The following TLN1 variants were observed in gnomAD, a reference collection of about 807,000 sequenced individuals.
TLN1 encodes the protein talin 1, also known as talin-1.
In TLN1, 56 loss-of-function variants were observed where a neutral mutation model predicts 292.3. The observed-to-expected ratio is 0.19, with a 90% CI of 0.15 to 0.24. TLN1 has a LOEUF of 0.24. Among genes scored for constraint, TLN1 ranks in the 10% least tolerant of loss-of-function variants. The pLI is 1.00. For missense variants in TLN1, 2,433 were observed against 3,248.2 expected, an observed-to-expected ratio of 0.75 and a Z score of 6.10; for synonymous variants, 1,119 against 1,253.7, an observed-to-expected ratio of 0.89 and a Z score of 2.27.
chr9:35,702,048 G>T (rs577224004), intron 48 of TLN1, among the ~76,000 whole-genome samples: 10 of 152,318 alleles, frequency 6.6e-5, no homozygotes, highest in African/African-American at 2.4e-4. Flanking sequence ...GAGAAAACTG[G>T]TGCCACAGCC....
chr9:35,721,785 T>C lies in TLN1; in HGVS notation c.967A>G (p.Asn323Asp), dbSNP rs1212881819. Residue 323 changes from asparagine (N) to aspartate (D), a missense_variant, in exon 10 of 57, where the codon AAC (asparagine) becomes GAC (aspartate). Asn to Asp is a conservative substitution (Grantham distance 23). Transcript: ENST00000314888. ...FLVKEKMKGK[N>D]KLVPRLLGIT... is the part of the protein sequence containing the mutation. ...CCCAGAAGCCTGGGCACTAGCTTGT[T>C]CTTCCCTTTCATTTTTTCCTATGAG... 6.2e-7 allele frequency: 1 copy of C among 1,610,390 alleles called. No homozygotes were observed. The highest frequency in any genetic ancestry group is 8.5e-7 in the Non-Finnish European group (1 of 1,176,760).
At position 35,703,801 on chromosome 9, in the gene TLN1, C is replaced by A. The variant is rs770526341; in HGVS notation, c.6331G>T (p.Val2111Leu). The change falls in exon 47 of 57, where the codon GTG becomes TTG. Residue 2111 changes from valine to leucine, a missense_variant. Around this residue, in one of 7 missense-constraint regions of TLN1, gnomAD observed 1,384 missense variants for 1,699.6 expected, o/e 0.81. Transcript: ENST00000314888. ...AAGKVGDDPA[V>L]WQLKNSAKVM... ...TTGGCAGAGTTCTTTAGCTGCCACA[C>A]AGCAGGGTCATCTCCAACTTTGCCA... 8 of 1,614,240 alleles carry A rather than the reference C, an allele frequency of 5.0e-6. No individual in the cohort carries two copies. Among genetic ancestry groups the A allele is most frequent in the Non-Finnish European group, 3.4e-6 (4 of 1,180,044 alleles).
At chr9:35,721,476 C>T (rs139558283) in intron 10 of TLN1, among the ~76,000 whole-genome samples, 172 bp downstream of exon 10, 2 of 152,246 alleles carry the variant, frequency 1.3e-5, no homozygotes, top group East Asian at 3.9e-4. Flanking sequence ...GTCCATCATC[C>T]GTTTCATTTA....
At chr9:35,727,802 C>T (rs1416125174) in intron 1 of TLN1, among the ~76,000 whole-genome samples, 2 of 152,166 alleles carry the variant, frequency 1.3e-5, no homozygotes, top group African/African-American at 4.8e-5. Context: ...CACCCCCTTC[C>T]TCCTCAAGCA....
At position 35,704,026 on chromosome 9, in the gene TLN1, C is replaced by T. The variant is rs778144062; in HGVS notation, c.6196G>A (p.Ala2066Thr). 23 of 1,613,358 alleles carry T rather than the reference C, an allele frequency of 1.4e-5. No individual in the cohort carries two copies. Among genetic ancestry groups the T allele is most frequent in the Non-Finnish European group, 1.8e-5 (21 of 1,179,482 alleles). The change falls in exon 46 of 57, where the codon GCA (alanine) becomes ACA (threonine). Residue 2066 changes from alanine (A) to threonine (T), a missense_variant. By Grantham distance (58) the Ala-to-Thr change is moderately conservative. This residue lies in a region of TLN1 where 1,384 missense variants were observed against 1,699.6 expected (regional missense o/e 0.81). Coordinates refer to ENST00000314888, the MANE Select transcript of TLN1 (RefSeq NM_006289.4). The surrounding 1 kb of genome is among the most constrained non-coding windows in gnomAD (Gnocchi z 6.9). The part of the protein sequence containing the change: ...TRLADVVKLG[A>T]ASLGAEDPET... ...GGGTCCTCAGCTCCCAGGCTGGCTG[C>T]ACCCAGCTTGACCACATCAGCGAGG...
In TLN1 at chr9:35,699,302, G is replaced by A; in HGVS notation, c.6874+54C>T. 6.3e-7 allele frequency: 1 copy of A among 1,575,914 alleles called. No homozygotes were observed. Among genetic ancestry groups the A allele is most frequent in the African/African-American group, 1.3e-5 (1 of 74,212 alleles). On this transcript the variant is annotated intron_variant, in intron 51 of 56. Coordinates refer to ENST00000314888, the MANE Select transcript of TLN1 (RefSeq NM_006289.4). The surrounding 1 kb of genome is among the most constrained non-coding windows in gnomAD (Gnocchi z 4.0). ...CAGAGCTGTCCAGCCAGGAAGCAGA[G>A]ATCACACCATGATAAGGGTTTTCCA...
chr9:35,722,855 A>G lies in TLN1; in HGVS notation c.843+6T>C. 2 of 1,613,826 alleles carry G rather than the reference A, an allele frequency of 1.2e-6. No homozygotes were observed. The highest frequency in any genetic ancestry group is 1.7e-6 in the Non-Finnish European group (2 of 1,179,780). ...ATCCCAAATACTTTCCCCTACCCAC[A>G]TTCACCTGGAAGATCTTACGCTCTC... is the stretch of plus-strand genomic sequence containing the variant. On this transcript the variant is annotated splice_donor_region_variant and intron_variant, in intron 8 of 56. Coordinates refer to ENST00000314888, the MANE Select transcript of TLN1 (RefSeq NM_006289.4).
chr9:35,708,926 C>T (rs1185682082), intron 33 of TLN1, among the ~76,000 whole-genome samples: 1 of 152,192 alleles, frequency 6.6e-6, no homozygotes, highest in Non-Finnish European at 1.5e-5. Context: ...GGCTAATTCA[C>T]ATTTATAGCA....
chr9:35,724,781 G>C lies in TLN1; in HGVS notation c.358+49C>G. Reference sequence around the variant, plus strand: ...GGTACTGCATCCATGCCTTTTGAGAGAGTTGAGGCTTTCTGGCCCAGGCTT... The same window carrying C: ...GGTACTGCATCCATGCCTTTTGAGACAGTTGAGGCTTTCTGGCCCAGGCTT... On this transcript the variant is annotated intron_variant, in intron 4 of 56. Transcript: ENST00000314888. This position sits in a 1 kb window ranked among gnomAD's most constrained non-coding sequence, Gnocchi z 4.7. The C allele has an allele frequency of 6.2e-7, 1 of 1,613,664 alleles. No homozygotes were observed. The highest frequency in any genetic ancestry group is 1.1e-5 in the South Asian group (1 of 91,068).
Position 35,697,864 on chromosome 9 carries a change from G to A in TLN1, c.7553C>T (p.Ala2518Val). 1 of 1,614,158 alleles carries A rather than the reference G, an allele frequency of 6.2e-7. No homozygotes were observed. Among genetic ancestry groups the A allele is most frequent in the Non-Finnish European group, 8.5e-7 (1 of 1,180,020 alleles). ...MLRKERELEE[A>V]RKKLAQIRQQ... is the part of the protein sequence containing the mutation. The stretch of plus-strand genomic sequence containing the variant: ...CCGGATCTGGGCCAGTTTCTTCCGC[G>A]CCTCTTCCAGCTCTCGTTCCTTCCG... Residue 2518 changes from alanine (A) to valine (V), a missense_variant, in exon 57 of 57, where the codon GCG (alanine) becomes GTG (valine). Ala to Val is a moderately conservative substitution (Grantham distance 64). This residue lies in a region of TLN1 where 141 missense variants were observed against 248.5 expected (regional missense o/e 0.57). Coordinates refer to ENST00000314888, the MANE Select transcript of TLN1 (RefSeq NM_006289.4).
chr9:35,702,963 C>G (rs1825492392), intron 48 of TLN1, among the ~76,000 whole-genome samples: 1 of 152,148 alleles, frequency 6.6e-6, no homozygotes, highest in African/African-American at 2.4e-5. Context: ...TGAAAAAATA[C>G]AGTTGTCACA....
chr9:35,715,303 C>A, intron 20 of TLN1, 116 bp from the exon 21 acceptor site: 2 of 1,388,194 alleles, frequency 1.4e-6, no homozygotes, highest in Non-Finnish European at 1.9e-6. Context: ...GAAGTCATCT[C>A]TAACTAGCCC....
At chr9:35,702,638 G>A (rs909903292) in intron 48 of TLN1, among the ~76,000 whole-genome samples, 8 of 151,864 alleles carry the variant, frequency 5.3e-5, no homozygotes, top group Admixed American at 1.3e-4. Context: ...GACTACAGGC[G>A]CGTGCCACCA....
intron 7 of TLN1, chr9:35,723,710 A>G (rs1265442930): frequency 6.0e-6 from 3 of 502,996 alleles, no homozygotes; most frequent in Admixed American, 4.1e-5. Context: ...AATCTCAAAA[A>G]AGAGTGACAT....
At chr9:35,700,158 G>C in intron 49 of TLN1, 33 bp downstream of exon 49, 1 of 1,592,234 alleles carries the variant, frequency 6.3e-7, no homozygotes, top group Non-Finnish European at 8.6e-7. Flanking sequence ...CTGGCCCAAA[G>C]CTGCCTCACG....
chr9:35,710,469 A>G (rs1183987175), intron 33 of TLN1, 92 bp downstream of exon 33: 20 of 1,515,048 alleles, frequency 1.3e-5, no homozygotes, highest in Non-Finnish European at 1.8e-5. Context: ...GCAAACATAA[A>G]CTTCTTGATT....
intron 8 of TLN1, 34 bp from the exon 9 acceptor site, chr9:35,722,257 G>T: frequency 6.4e-7 from 1 of 1,566,674 alleles, no homozygotes; most frequent in Non-Finnish European, 8.8e-7. Flanking sequence ...TTAGCAAAGA[G>T]TTTCATATCA....
chr9:35,719,499 G>C lies in TLN1; in HGVS notation c.1687+20C>G, dbSNP rs768995081. 2.5e-5 allele frequency: 40 copies of C among 1,606,816 alleles called. No individual in the cohort carries two copies. In the Admixed American group the frequency reaches 4.7e-4, roughly 19 times the overall value. On this transcript the variant is annotated intron_variant, in intron 15 of 56. Coordinates refer to ENST00000314888, the MANE Select transcript of TLN1 (RefSeq NM_006289.4). The surrounding 1 kb of genome is among the most constrained non-coding windows in gnomAD (Gnocchi z 4.6). The stretch of plus-strand genomic sequence containing the variant: ...ACCCCCTCTCCCCATCACACACCCG[G>C]AAGCTAGCATCCGGCCTACCTGCTG...
At chr9:35,701,091 C>T (rs182702631) in intron 48 of TLN1, among the ~76,000 whole-genome samples, 92 of 152,232 alleles carry the variant, frequency 6.0e-4, no homozygotes, top group Non-Finnish European at 1.2e-3. Context: ...AGGCTGAAGC[C>T]TGATGAACTG....
Sources: allele counts gnomAD v4.1 joint callset (sites outside exome capture counted in the v4.1 genomes callset), GRCh38; gene constraint gnomAD v4.1.1; regional missense constraint gnomAD v4.1.1; non-coding constraint Gnocchi (gnomAD v3.1); transcripts MANE v1.5; gene names NCBI Gene and HGNC (gene_info 2026-07-23, HGNC 2026-07-21).